VTI1A: variants seen among roughly 807,000 people sequenced by gnomAD.
The protein encoded by VTI1A is vesicle transport through interaction with t-SNAREs homolog 1A.
In VTI1A, 22 loss-of-function variants were observed where a neutral mutation model predicts 34.9. The observed-to-expected ratio is 0.63, with a 90% confidence interval of 0.45 to 0.90. VTI1A has a LOEUF of 0.90. Ranked by LOEUF, VTI1A falls within the 40% of genes least tolerant of loss-of-function variation. The probability of loss-of-function intolerance (pLI) is 0.00; values close to 1 mark genes in which losing one functional copy is unlikely to be tolerated. For missense variants in VTI1A, 268 were observed against 275.6 expected (o/e 0.97, Z 0.20); for synonymous variants, 87 against 97.3 (o/e 0.89, Z 0.62).
intron 5 of VTI1A, among the ~76,000 whole-genome samples, chr10:112,540,113 GC>G (rs1190202578): frequency 3.3e-5 from 5 of 152,148 alleles, no homozygotes; most frequent in African/African-American, 7.2e-5. Flanking sequence ...GGTTGATTGG[GC>G]TACATACTTG....
At chr10:112,760,731 A>G (rs1228973148) in intron 7 of VTI1A, among the ~76,000 whole-genome samples, 3 of 152,054 alleles carry the variant, frequency 2.0e-5, no homozygotes, top group African/African-American at 7.2e-5. Flanking sequence ...TCTACTAAAA[A>G]CACAAAAATT....
chr10:112,542,821 T>A (rs1351021775), intron 5 of VTI1A, among the ~76,000 whole-genome samples: 1 of 151,984 alleles, frequency 6.6e-6, no homozygotes, highest in African/African-American at 2.4e-5. Context: ...ATGCTATCCC[T>A]CCCCACTCTC....
In VTI1A at chr10:112,716,602, G is replaced by T. The variant is rs946621730; in HGVS notation, c.560+47604G>T. On this transcript the variant is annotated intron_variant, in intron 7 of 7. Transcript: ENST00000393077. ...GGACATGGAGGCCTTAAAACAATAT[G>T]TTGTGCCCAGGAGCTACAGATTGAC... is the stretch of plus-strand genomic sequence containing the variant. 3.3e-5 allele frequency among the ~76,000 whole-genome samples: 5 copies of T among 152,188 alleles called. No homozygotes were observed. The South Asian group carries it at 1.0e-3, about 32-fold the overall frequency.
chr10:112,706,811 A>AT (rs1324746011), intron 7 of VTI1A, among the ~76,000 whole-genome samples: 2 of 152,160 alleles, frequency 1.3e-5, no homozygotes, highest in African/African-American at 4.8e-5. Flanking sequence ...GTCACGCAAC[A>AT]TCAAAACACA....
intron 7 of VTI1A, among the ~76,000 whole-genome samples, chr10:112,676,313 G>A (rs1848024276): frequency 6.6e-6 from 1 of 151,832 alleles, no homozygotes; most frequent in African/African-American, 2.4e-5. Context: ...CACTGCTCTG[G>A]TGCGTTCTGA....
chr10:112,842,051 C>CTTTTT, the VTI1A span, among the ~76,000 whole-genome samples: 95 of 66,602 alleles, frequency 1.4e-3, 2 homozygotes, highest in Non-Finnish European at 1.8e-3. Flanking sequence ...TTTTTTTTTC[C>CTTTTT]TTTTTTTTTT....
intron 7 of VTI1A, among the ~76,000 whole-genome samples, chr10:112,685,112 G>A (rs1339962467): frequency 6.6e-6 from 1 of 152,150 alleles, no homozygotes; most frequent in Non-Finnish European, 1.5e-5. Flanking sequence ...ACAGAGTCTA[G>A]ATATTTCTAT....
chr10:112,782,760 T>C (rs1350803229), intron 7 of VTI1A, among the ~76,000 whole-genome samples: 1 of 151,824 alleles, frequency 6.6e-6, no homozygotes, highest in Non-Finnish European at 1.5e-5. Context: ...CATAGTTCAT[T>C]CCAAAAATGG....
intron 7 of VTI1A, among the ~76,000 whole-genome samples, chr10:112,771,707 A>G (rs927294318): frequency 2.1e-4 from 32 of 152,100 alleles, no homozygotes; most frequent in African/African-American, 7.2e-4. Flanking sequence ...TATATCTTCA[A>G]TCCCCTCATT....
At chr10:112,788,901 C>T (rs1852376068) in intron 7 of VTI1A, among the ~76,000 whole-genome samples, 1 of 152,046 alleles carries the variant, frequency 6.6e-6, no homozygotes, top group Non-Finnish European at 1.5e-5. Context: ...TTGATACTGA[C>T]TTAATTCTAA....
At chr10:112,505,341 G>A (rs12240739) in intron 3 of VTI1A, among the ~76,000 whole-genome samples, 99 of 151,958 alleles carry the variant, frequency 6.5e-4, no homozygotes, top group Admixed American at 1.6e-3. Flanking sequence ...TAATTTTGTA[G>A]CATGCTACCG....
chr10:112,778,637 G>A (rs1307778460), intron 7 of VTI1A, among the ~76,000 whole-genome samples: 3 of 152,134 alleles, frequency 2.0e-5, no homozygotes, highest in Non-Finnish European at 4.4e-5. Flanking sequence ...TGCAGTATGA[G>A]TCACCTTAAT....
chr10:112,568,273 G>C (rs1026673418), intron 5 of VTI1A, among the ~76,000 whole-genome samples: 2 of 152,108 alleles, frequency 1.3e-5, no homozygotes, highest in African/African-American at 2.4e-5. Context: ...TTGAGAGGCC[G>C]AGGTGGGCAG....
At position 112,755,765 on chromosome 10, in the gene VTI1A, A is replaced by T. The variant is rs542598769; in HGVS notation, c.561-59525A>T. 1.2e-3 allele frequency among the ~76,000 whole-genome samples: 180 copies of T among 152,330 alleles called. 1 individual carries two copies. Among genetic ancestry groups the T allele is most frequent in the African/African-American group, 4.2e-3 (173 of 41,572 alleles). Reference sequence around the variant, plus strand: ...AAACATACTTGTGTGTATATATATAAAAAATGTTAATTTCGTCTGGAGCCA... The same window carrying T: ...AAACATACTTGTGTGTATATATATATAAAATGTTAATTTCGTCTGGAGCCA... On this transcript the variant is annotated intron_variant, in intron 7 of 7. Coordinates refer to ENST00000393077, the MANE Select transcript of VTI1A (RefSeq NM_145206.4).
intron 5 of VTI1A, among the ~76,000 whole-genome samples, chr10:112,618,524 T>TATATATATAGAGAGAGAGAGAGAGAG (rs748276058): frequency 2.0e-4 from 7 of 34,574 alleles, no homozygotes; most frequent in South Asian, 1.6e-3. Flanking sequence ...TATATATATA[T>TATATATATAGAGAGAGAGAGAGAGAG]AGAGAGAGAG....
At chr10:112,824,768 ACCCTGCTC>A in the VTI1A span, 1 of 152,230 alleles carries the variant, frequency 6.6e-6, no homozygotes, top group African/African-American at 2.4e-5. Context: ...TGCCAGTCAC[ACCCTGCTC>A]CAGACCTCGG....
At chr10:112,627,576 G>A (rs1458674050) in intron 5 of VTI1A, among the ~76,000 whole-genome samples, 1 of 151,794 alleles carries the variant, frequency 6.6e-6, no homozygotes, top group Non-Finnish European at 1.5e-5. Context: ...AAGCTTTGAG[G>A]GTTTCTCCCC....
intron 5 of VTI1A, among the ~76,000 whole-genome samples, chr10:112,635,419 A>C (rs1168853257): frequency 6.6e-6 from 1 of 152,216 alleles, no homozygotes; most frequent in African/African-American, 2.4e-5. Flanking sequence ...GAGGTGGCCA[A>C]GTCTAGAATA....
chr10:112,632,230 C>T (rs1367719330), intron 5 of VTI1A, among the ~76,000 whole-genome samples: 1 of 152,176 alleles, frequency 6.6e-6, no homozygotes, highest in Non-Finnish European at 1.5e-5. Flanking sequence ...TGCACAAACT[C>T]TCAAATGTCC....
Sources: gnomAD v4.1 joint callset for allele counts (sites outside exome capture counted in the v4.1 genomes callset) on GRCh38, gnomAD v4.1.1 for gene constraint, MANE v1.5 for transcripts, NCBI Gene and HGNC (gene_info 2026-07-23, HGNC 2026-07-21) for gene names.